Variants in CDC45 observed in about 807,000 individuals in gnomAD.
CDC45 encodes cell division cycle 45, also known as cell division control protein 45 homolog.
In CDC45, 54 loss-of-function variants were observed where a neutral mutation model predicts 77.8. The ratio of observed to expected loss-of-function variants is 0.69; its 90% confidence interval spans 0.56 to 0.87. The LOEUF (loss-of-function observed/expected upper bound fraction) is 0.87. Among genes scored for constraint, CDC45 ranks in the 40% least tolerant of loss-of-function variants. CDC45 has a pLI of 0.00. For missense variants in CDC45, 649 were observed against 721.6 expected (o/e 0.90, Z 1.15); for synonymous variants, 260 against 272.1 (o/e 0.96, Z 0.44).
chr22:19,515,591 T>A (rs1933742428), intron 15 of CDC45, among the ~76,000 whole-genome samples: 1 of 152,218 alleles, frequency 6.6e-6, no homozygotes, highest in South Asian at 2.1e-4. Context: ...GGGGGCTATT[T>A]CAAACAAAAT....
intron 9 of CDC45, among the ~76,000 whole-genome samples, chr22:19,504,591 G>T (rs916485612): frequency 1.3e-5 from 2 of 152,002 alleles, no homozygotes; most frequent in Non-Finnish European, 2.9e-5. Context: ...GAGCCACTGT[G>T]CCCGGCCTGG....
chr22:19,494,372 G>A lies in CDC45; in HGVS notation c.532G>A (p.Glu178Lys). The change falls in exon 6 of 19, where the codon GAG becomes AAG. Residue 178 changes from glutamate to lysine, a missense_variant. Physicochemically the swap from Glu to Lys is moderately conservative, Grantham distance 56. Coordinates refer to ENST00000263201, the MANE Select transcript of CDC45 (RefSeq NM_003504.5). The stretch of plus-strand genomic sequence containing the variant: ...GCGGAGGAGGCAGCGGCGAGAGTGG[G>A]AGGCCCGGAGGTGAGTCTGTGCTTC... ...TMRRRQRREW[E>K]ARRRDILFDY... The A allele has an allele frequency of 6.2e-7, 1 of 1,613,544 alleles. No homozygotes were observed. Among genetic ancestry groups the A allele is most frequent in the Non-Finnish European group, 8.5e-7 (1 of 1,179,992 alleles).
intron 12 of CDC45, 131 bp from the exon 13 acceptor site, chr22:19,508,399 T>C: frequency 1.0e-6 from 1 of 972,890 alleles, no homozygotes; most frequent in Non-Finnish European, 1.6e-6. Context: ...TGCCTCATCC[T>C]CTGAGCAGCA....
chr22:19,480,146 C>T lies in CDC45; in HGVS notation c.52-12C>T, dbSNP rs199895996. 201 of 1,613,904 alleles carry T rather than the reference C, an allele frequency of 1.2e-4. No homozygotes were observed. Among genetic ancestry groups the T allele is most frequent in the Non-Finnish European group, 1.6e-4 (185 of 1,179,926 alleles). On this transcript the variant is annotated splice_polypyrimidine_tract_variant and intron_variant, in intron 1 of 18. Transcript: ENST00000263201. Reference sequence around the variant, plus strand: ...GGTCGCCGTGTTCAGCCGGTCTGCTCTTCCCCGATAGAGGGTCCTTCTCTT... The same window carrying T: ...GGTCGCCGTGTTCAGCCGGTCTGCTTTTCCCCGATAGAGGGTCCTTCTCTT...
chr22:19,494,519 T>C (rs1297182332), intron 6 of CDC45, 137 bp downstream of exon 6: 4 of 1,551,592 alleles, frequency 2.6e-6, no homozygotes, highest in African/African-American at 1.4e-5. Context: ...GCTCTGGGAG[T>C]GAACCTGTGG....
intron 5 of CDC45, among the ~76,000 whole-genome samples, chr22:19,486,481 G>GGCCA (rs1201442475): frequency 6.6e-6 from 1 of 151,866 alleles, no homozygotes; most frequent in Non-Finnish European, 1.5e-5. Flanking sequence ...TGACATTGAA[G>GGCCA]GCCAGTTCTC....
chr22:19,505,533 G>T (rs1484723872), intron 10 of CDC45, 52 bp downstream of exon 10: 1 of 1,602,614 alleles, frequency 6.2e-7, no homozygotes, highest in Admixed American at 1.7e-5. Context: ...TGCTCAGCAG[G>T]CCTTGTTTGC....
intron 17 of CDC45, 128 bp downstream of exon 17, chr22:19,517,021 T>G (rs1379947370): frequency 2.6e-6 from 2 of 763,178 alleles, no homozygotes; most frequent in Admixed American, 4.4e-5. Context: ...CTTCCAGATC[T>G]GGCCCTGGGA....
intron 5 of CDC45, among the ~76,000 whole-genome samples, chr22:19,493,616 G>C (rs1601941943): frequency 6.6e-6 from 1 of 152,064 alleles, no homozygotes; most frequent in African/African-American, 2.4e-5. Context: ...GCTAATTTTT[G>C]TATTTTAAGT....
At chr22:19,497,552 C>A in intron 8 of CDC45, 105 bp downstream of exon 8, 1 of 924,206 alleles carries the variant, frequency 1.1e-6, no homozygotes, top group Non-Finnish European at 1.8e-6. Flanking sequence ...TTGTCCCCAC[C>A]AGGAGTGTCA....
chr22:19,499,209 G>A, intron 9 of CDC45, 58 bp downstream of exon 9: 2 of 1,566,940 alleles, frequency 1.3e-6, no homozygotes, highest in Admixed American at 1.7e-5. Context: ...CAGGTGCACA[G>A]CCTGACCATA....
At chr22:19,479,636 A>C, upstream of CDC45, 1 of 653,834 alleles carries the variant, frequency 1.5e-6, no homozygotes. Context: ...AGTGGGAGGC[A>C]GTAGGCTTCT....
rs1056350462 is a variant in CDC45, at chr22:19,505,580, G to A, written c.824+99G>A. On this transcript the variant is annotated intron_variant, in intron 10 of 18. Transcript: ENST00000263201. ...CTGTGGGTTCTGGCCACATCCCCAG[G>A]AGGGAAAGCAGGTGGGGCAGGAAGT... 8 of 1,387,024 alleles carry A rather than the reference G, an allele frequency of 5.8e-6. No homozygotes were observed. In the African/African-American group the frequency reaches 1.0e-4, roughly 17 times the overall value. The allele number at this position is 1,387,024 out of a possible 1,614,324, so 85.9% of individuals were successfully genotyped here.
At chr22:19,499,612 G>C (rs563817838) in intron 9 of CDC45, among the ~76,000 whole-genome samples, 80 of 152,310 alleles carry the variant, frequency 5.3e-4, no homozygotes, top group Non-Finnish European at 9.6e-4. Context: ...AAGGGGTCTG[G>C]TGTGAAGCAG....
chr22:19,480,129 T>G (rs5748232), intron 1 of CDC45, 29 bp from the exon 2 acceptor site: 1 of 1,613,478 alleles, frequency 6.2e-7, no homozygotes, highest in Admixed American at 1.7e-5. Context: ...CGGGTCGCCG[T>G]GTTCAGCCGG....
chr22:19,485,141 T>G (rs2090046462), intron 5 of CDC45, among the ~76,000 whole-genome samples: 1 of 152,136 alleles, frequency 6.6e-6, no homozygotes, highest in South Asian at 2.1e-4. Flanking sequence ...TATATAGCAT[T>G]CTTTTAACTA....
intron 13 of CDC45, among the ~76,000 whole-genome samples, chr22:19,513,799 C>T (rs529486866): frequency 1.3e-5 from 2 of 152,318 alleles, no homozygotes; most frequent in East Asian, 1.9e-4. Context: ...ACTATTCCCC[C>T]CACAGAAAAC....
chr22:19,481,767 G>A (rs1403250120), intron 3 of CDC45, among the ~76,000 whole-genome samples: 1 of 152,014 alleles, frequency 6.6e-6, no homozygotes, highest in African/African-American at 2.4e-5. Flanking sequence ...CGCCTTCTGG[G>A]TTCAAGCGAT....
Position 19,483,944 on chromosome 22 carries a change from A to T in CDC45, c.425A>T (p.Glu142Val). The T allele has an allele frequency of 6.2e-7, 1 of 1,613,950 alleles. No individual in the cohort carries two copies. The highest frequency in any genetic ancestry group is 1.1e-5 in the South Asian group (1 of 91,010). Residue 142 changes from glutamate to valine, a missense_variant, in exon 5 of 19, where the codon GAG becomes GTG. Coordinates refer to ENST00000263201, the MANE Select transcript of CDC45 (RefSeq NM_003504.5). ...DIFRDEEEDEEHSGNDSDGSE... is the reference protein window; with the variant it reads ...DIFRDEEEDEVHSGNDSDGSE... ...TTCAGGGATGAAGAGGAGGATGAAG[A>T]GCATTCAGGAAATGACAGTGATGGG...
Sources: gnomAD v4.1 joint callset for allele counts (sites outside exome capture counted in the v4.1 genomes callset) on GRCh38, gnomAD v4.1.1 for gene constraint, MANE v1.5 for transcripts, NCBI Gene and HGNC (gene_info 2026-07-23, HGNC 2026-07-21) for gene names.